VPS13B: variants seen among roughly 807,000 people sequenced by gnomAD.
VPS13B encodes the protein intermembrane lipid transfer protein VPS13B.
In VPS13B, 285 loss-of-function variants were observed where a neutral mutation model predicts 426.4. The observed-to-expected ratio is 0.67, with a 90% confidence interval of 0.61 to 0.74. VPS13B has a LOEUF of 0.74. Ranked by LOEUF, VPS13B falls within the 30% of genes least tolerant of loss-of-function variation. The pLI is 0.00. For missense variants in VPS13B, 4,537 were observed against 4,782.6 expected, an observed-to-expected ratio of 0.95 and a Z score of 1.51; for synonymous variants, 1,676 against 1,676.4, an observed-to-expected ratio of 1.00 and a Z score of 0.01.
intron 51 of VPS13B, among the ~76,000 whole-genome samples, chr8:99,826,751 C>T (rs1333929006): frequency 1.3e-5 from 2 of 152,080 alleles, no homozygotes; most frequent in South Asian, 4.1e-4. Flanking sequence ...TCCATCAATA[C>T]CTAGTTTATT....
chr8:99,580,325 AATAT>A (rs72284628), intron 33 of VPS13B, among the ~76,000 whole-genome samples: 10 of 146,742 alleles, frequency 6.8e-5, no homozygotes, highest in African/African-American at 2.5e-4. Flanking sequence ...TATAACATTA[AATAT>A]ATATATATAT....
intron 33 of VPS13B, among the ~76,000 whole-genome samples, chr8:99,626,988 G>C (rs1165633728): frequency 6.6e-6 from 1 of 152,158 alleles, no homozygotes; most frequent in Non-Finnish European, 1.5e-5. Flanking sequence ...TGAATCTTGA[G>C]GACATTATGC....
At chr8:99,211,687 G>C (rs964606859) in intron 17 of VPS13B, among the ~76,000 whole-genome samples, 2 of 152,016 alleles carry the variant, frequency 1.3e-5, no homozygotes, top group African/African-American at 4.8e-5. Flanking sequence ...TGAGGCAGGA[G>C]AATCACTTGA....
chr8:99,332,914 T>A (rs914877732), intron 19 of VPS13B, among the ~76,000 whole-genome samples: 2 of 151,698 alleles, frequency 1.3e-5, no homozygotes, highest in Non-Finnish European at 3.0e-5. Flanking sequence ...ATAATAGTGT[T>A]GCTTATTTTT....
intron 33 of VPS13B, among the ~76,000 whole-genome samples, chr8:99,633,564 A>G (rs997694424): frequency 2.3e-4 from 35 of 152,062 alleles, no homozygotes; most frequent in African/African-American, 8.2e-4. Flanking sequence ...AAACCCTAAT[A>G]TAATGAGGAC....
chr8:99,417,502 A>G (rs1287173337), intron 21 of VPS13B, among the ~76,000 whole-genome samples: 1 of 152,192 alleles, frequency 6.6e-6, no homozygotes, highest in Non-Finnish European at 1.5e-5. Context: ...ATCTCATGAT[A>G]TGCTATCTGG....
intron 2 of VPS13B, among the ~76,000 whole-genome samples, chr8:99,031,108 A>G (rs1587938268): frequency 6.6e-6 from 1 of 152,044 alleles, no homozygotes; most frequent in East Asian, 1.9e-4. Flanking sequence ...ATGTCAGGTG[A>G]AGATTTCCTG....
At chr8:99,791,011 C>T (rs1242859332) in intron 43 of VPS13B, among the ~76,000 whole-genome samples, 2 of 152,142 alleles carry the variant, frequency 1.3e-5, no homozygotes, top group African/African-American at 4.8e-5. Flanking sequence ...TCTACGTACC[C>T]AGAGAGATCA....
chr8:99,409,614 T>G (rs76365268), intron 21 of VPS13B, among the ~76,000 whole-genome samples: 2 of 152,208 alleles, frequency 1.3e-5, no homozygotes, highest in East Asian at 3.8e-4. Flanking sequence ...GGTTTTTCTT[T>G]GGATTGCAAA....
chr8:99,262,769 CTGTTGTTGT>C (rs373225716), intron 17 of VPS13B, among the ~76,000 whole-genome samples: 1,657 of 150,016 alleles, frequency 0.011, 20 homozygotes, highest in South Asian at 0.03. Flanking sequence ...TTTGGATGGT[CTGTTGTTGT>C]TGTTGTTGTT....
chr8:99,621,693 G>C (rs763090633), intron 33 of VPS13B, among the ~76,000 whole-genome samples: 36 of 152,170 alleles, frequency 2.4e-4, no homozygotes, highest in Non-Finnish European at 4.1e-4. Context: ...TCTTAGAAAG[G>C]CATGGGCAGA....
intron 33 of VPS13B, among the ~76,000 whole-genome samples, chr8:99,591,629 A>G (rs898101302): frequency 6.6e-6 from 1 of 152,128 alleles, no homozygotes; most frequent in Non-Finnish European, 1.5e-5. Flanking sequence ...TTGGCTGGAT[A>G]TGAAATTCTG....
chr8:99,309,486 G>A (rs949705963), intron 19 of VPS13B, among the ~76,000 whole-genome samples: 15 of 152,060 alleles, frequency 9.9e-5, no homozygotes, highest in African/African-American at 3.6e-4. Context: ...AAGATCATAT[G>A]GTTGTAGATG....
chr8:99,249,236 A>G (rs1420970169), intron 17 of VPS13B, among the ~76,000 whole-genome samples: 3 of 152,262 alleles, frequency 2.0e-5, no homozygotes, highest in African/African-American at 7.2e-5. Context: ...ATAATATTCC[A>G]TGATATGGAT....
At chr8:99,392,358 A>T (rs891415828) in intron 21 of VPS13B, among the ~76,000 whole-genome samples, 9 of 152,010 alleles carry the variant, frequency 5.9e-5, no homozygotes, top group African/African-American at 2.2e-4. Context: ...ATATATAATT[A>T]AAAAAATAAT....
At chr8:99,872,549 GC>G (rs1429206445) in intron 61 of VPS13B, among the ~76,000 whole-genome samples, 1 of 152,328 alleles carries the variant, frequency 6.6e-6, no homozygotes, top group East Asian at 1.9e-4. Flanking sequence ...CTGTAGCCCA[GC>G]CCAGGGTAAA....
At chr8:99,779,467 A>G (rs1443963654) in intron 42 of VPS13B, among the ~76,000 whole-genome samples, 1 of 152,224 alleles carries the variant, frequency 6.6e-6, no homozygotes, top group Non-Finnish European at 1.5e-5. Flanking sequence ...CAAAAAAAGC[A>G]GCGAGATGAA....
intron 33 of VPS13B, among the ~76,000 whole-genome samples, chr8:99,615,384 A>C (rs1828043813): frequency 6.6e-6 from 1 of 152,158 alleles, no homozygotes; most frequent in African/African-American, 2.4e-5. Flanking sequence ...CCTGTTTCCC[A>C]GTCTATAAAT....
At chr8:99,192,720 G>C (rs1813670434) in intron 16 of VPS13B, among the ~76,000 whole-genome samples, 156 bp from the exon 17 acceptor site, 1 of 152,190 alleles carries the variant, frequency 6.6e-6, no homozygotes, top group African/African-American at 2.4e-5. Context: ...GGAACTTAAA[G>C]TTAGCAGAAT....
Sources: allele counts gnomAD v4.1 joint callset (sites outside exome capture counted in the v4.1 genomes callset), GRCh38; gene constraint gnomAD v4.1.1; transcripts MANE v1.5; gene names NCBI Gene and HGNC (gene_info 2026-07-23, HGNC 2026-07-21).